Variants in ACOT7 observed in about 807,000 individuals in gnomAD.
The protein encoded by ACOT7 is acyl-CoA thioesterase 7.
A neutral mutation model predicts 40.2 loss-of-function variants in ACOT7; 12 were observed. The observed-to-expected ratio is 0.30, with a 90% CI of 0.19 to 0.48. The LOEUF (loss-of-function observed/expected upper bound fraction) is 0.48. Among genes scored for constraint, ACOT7 ranks in the 20% least tolerant of loss-of-function variants. The probability of loss-of-function intolerance (pLI) is 0.99; values close to 1 mark genes in which losing one functional copy is unlikely to be tolerated. For missense variants in ACOT7, 395 were observed against 530.8 expected (o/e 0.74, Z 2.51); for synonymous variants, 228 against 219.5 (o/e 1.04, Z -0.34).
intron 6 of ACOT7, among the ~76,000 whole-genome samples, chr1:6,298,873 C>T (rs141898591): frequency 2.8e-4 from 42 of 152,332 alleles, no homozygotes; most frequent in Admixed American, 1.0e-3. Context: ...TAGGATCATC[C>T]GTGTGTCAAT....
Position 6,288,328 on chromosome 1 carries a change from A to G in ACOT7, c.829+6536T>C, listed in dbSNP as rs1056671792. Among the ~76,000 whole-genome samples, 1 of 152,242 alleles carries G rather than the reference A, an allele frequency of 6.6e-6. No individual in the cohort carries two copies. Among genetic ancestry groups the G allele is most frequent in the Non-Finnish European group, 1.5e-5 (1 of 68,034 alleles). On this transcript the variant is annotated intron_variant, in intron 7 of 8. Transcript: ENST00000361521. This position sits in a 1 kb window ranked among gnomAD's most constrained non-coding sequence, Gnocchi z 4.3. ...CATTTCCCATGAGATCCAGTCGCAC[A>G]GATGAAGCGGTCCTTCCTTCACCCC...
At chr1:6,388,760 C>G (rs930754426) in intron 1 of ACOT7, among the ~76,000 whole-genome samples, 1 of 140,398 alleles carries the variant, frequency 7.1e-6, no homozygotes, top group Non-Finnish European at 1.5e-5. Flanking sequence ...AAAAAAAGGC[C>G]GGGTGCGGTG....
chr1:6,270,739 C>T (rs538849662), intron 8 of ACOT7, among the ~76,000 whole-genome samples: 1 of 152,146 alleles, frequency 6.6e-6, no homozygotes, highest in South Asian at 2.1e-4. Context: ...CATGTGTCTG[C>T]GGTCCCTGGT....
At chr1:6,298,227 CG>C (rs1639867144) in intron 6 of ACOT7, among the ~76,000 whole-genome samples, 1 of 152,060 alleles carries the variant, frequency 6.6e-6, no homozygotes, top group Non-Finnish European at 1.5e-5. Flanking sequence ...CTCTGCCTCC[CG>C]GGTTCAAGCG....
Position 6,278,068 on chromosome 1 carries a change from A to G in ACOT7, c.1014+3034T>C, listed in dbSNP as rs984816225. Among the ~76,000 whole-genome samples the G allele has an allele frequency of 4.3e-5, 6 of 139,852 alleles. No homozygotes were observed. The East Asian group carries it at 1.5e-3, about 34-fold the overall frequency. The allele number at this position is 139,852 out of a possible 152,430, so 91.7% of individuals were successfully genotyped here. A position where few individuals can be genotyped will look rare whatever the true frequency, so the allele number is the denominator to read the frequency against. On this transcript the variant is annotated intron_variant, in intron 8 of 8. Transcript: ENST00000361521. This position sits in a 1 kb window ranked among gnomAD's most constrained non-coding sequence, Gnocchi z 4.1. Reference sequence around the variant, plus strand: ...GATATGTGAGCCTGACAGTCCACGCAGCGTCTGCAGTGGCGGGGGGTGGTT... The same window carrying G: ...GATATGTGAGCCTGACAGTCCACGCGGCGTCTGCAGTGGCGGGGGGTGGTT...
intron 8 of ACOT7, among the ~76,000 whole-genome samples, chr1:6,280,012 T>C (rs1038199784): frequency 2.6e-5 from 4 of 152,182 alleles, no homozygotes; most frequent in African/African-American, 9.6e-5. Context: ...TCCGGGAGGC[T>C]GAGCAGCAAA....
chr1:6,339,740 T>G (rs1641212536), intron 2 of ACOT7, 151 bp from the exon 3 acceptor site: 4 of 236,444 alleles, frequency 1.7e-5, no homozygotes, highest in Non-Finnish European at 2.5e-5. Context: ...GGCACCGCGG[T>G]TTTTTTTTTT....
Position 6,278,339 on chromosome 1 carries a change from T to C in ACOT7, c.1014+2763A>G, listed in dbSNP as rs915780276. 6.6e-6 allele frequency among the ~76,000 whole-genome samples: 1 copy of C among 151,974 alleles called. No individual in the cohort carries two copies. Among genetic ancestry groups the C allele is most frequent in the Non-Finnish European group, 1.5e-5 (1 of 67,996 alleles). Reference sequence around the variant, plus strand: ...ACTCGGATTTTGATGACCAGTTTCCTGGGCTGCAGGGAAGGGTCACATTGA... The same window carrying C: ...ACTCGGATTTTGATGACCAGTTTCCCGGGCTGCAGGGAAGGGTCACATTGA... On this transcript the variant is annotated intron_variant, in intron 8 of 8. Transcript: ENST00000361521. The surrounding 1 kb of genome is among the most constrained non-coding windows in gnomAD (Gnocchi z 4.1).
intron 6 of ACOT7, among the ~76,000 whole-genome samples, chr1:6,309,807 G>A (rs1473181745): frequency 2.6e-5 from 4 of 152,112 alleles, no homozygotes; most frequent in African/African-American, 9.7e-5. Context: ...AAAAAAGCTT[G>A]AGTTCCCCAT....
At chr1:6,361,812 A>G (rs1030493180) in intron 1 of ACOT7, among the ~76,000 whole-genome samples, 1 of 152,172 alleles carries the variant, frequency 6.6e-6, no homozygotes, top group Non-Finnish European at 1.5e-5. Flanking sequence ...AAAAATAAAT[A>G]AATAAATAAA....
Position 6,338,990 on chromosome 1 carries a change from G to A in ACOT7, c.418+443C>T, listed in dbSNP as rs562369167. Among the ~76,000 whole-genome samples, 1 of 152,158 alleles carries A rather than the reference G, an allele frequency of 6.6e-6. No individual in the cohort carries two copies. The highest frequency in any genetic ancestry group is 1.5e-5 in the Non-Finnish European group (1 of 68,028). ...CCCAGTGAGCTTCCATCTGAGCCTG[G>A]TTTCTGGGGCTCCCAGGAGCAAGCA... On this transcript the variant is annotated intron_variant, in intron 3 of 8. Transcript: ENST00000361521. This position sits in a 1 kb window ranked among gnomAD's most constrained non-coding sequence, Gnocchi z 4.4.
chr1:6,264,521 G>C lies in ACOT7; in HGVS notation c.*76C>G, dbSNP rs1638755742. ...AATGTGAATTGGGTTTTTGGCCAAG[G>C]GGGGAACTTCTAAGTGACTGGACAC... On this transcript the variant is annotated 3_prime_UTR_variant, in exon 9 of 9. Transcript: ENST00000361521. 7.0e-7 allele frequency: 1 copy of C among 1,426,562 alleles called. No homozygotes were observed. Among genetic ancestry groups the C allele is most frequent in the East Asian group, 2.4e-5 (1 of 41,662 alleles). 88.4% of individuals were successfully genotyped at this position (1,426,562 alleles called of 1,614,324 possible). A position where few individuals can be genotyped will look rare whatever the true frequency, so the allele number is the denominator to read the frequency against.
At chr1:6,356,924 A>AG (rs1641760921) in intron 1 of ACOT7, among the ~76,000 whole-genome samples, 1 of 149,532 alleles carries the variant, frequency 6.7e-6, no homozygotes, top group Admixed American at 6.6e-5. Flanking sequence ...GTCTCAAAAA[A>AG]AAAAAAAAGG....
chr1:6,310,206 C>T (rs184445078), intron 6 of ACOT7, among the ~76,000 whole-genome samples: 38 of 152,238 alleles, frequency 2.5e-4, no homozygotes, highest in Admixed American at 3.9e-4. Context: ...GAGCTGAGGC[C>T]GTGGGGTCAG....
In ACOT7 at chr1:6,323,062, G is replaced by A. The variant is rs571382912; in HGVS notation, c.625+4237C>T. Among the ~76,000 whole-genome samples, 342 of 152,146 alleles carry A rather than the reference G, an allele frequency of 2.2e-3. 1 individual carries two copies. The highest frequency in any genetic ancestry group is 8.0e-3 in the African/African-American group (330 of 41,492). On this transcript the variant is annotated intron_variant, in intron 5 of 8. Transcript: ENST00000361521. ...GGAGAATCACTTGAACCAGGGAGGCGAAGTTTGCAGTGAGCTGAGATCATG... is the reference window on the plus strand; with the variant it reads ...GGAGAATCACTTGAACCAGGGAGGCAAAGTTTGCAGTGAGCTGAGATCATG...
intron 1 of ACOT7, among the ~76,000 whole-genome samples, chr1:6,379,459 T>C (rs1049887041): frequency 6.6e-6 from 1 of 151,636 alleles, no homozygotes; most frequent in Non-Finnish European, 1.5e-5. Context: ...GCTAAAGCTA[T>C]GTAACTTTTT....
intron 8 of ACOT7, among the ~76,000 whole-genome samples, chr1:6,273,291 C>T (rs999630132): frequency 1.3e-5 from 2 of 152,238 alleles, no homozygotes; most frequent in Non-Finnish European, 2.9e-5. Flanking sequence ...GGGCTACATG[C>T]TCTCATCTGC....
At chr1:6,295,774 G>A (rs1322189432) in intron 6 of ACOT7, among the ~76,000 whole-genome samples, 1 of 152,166 alleles carries the variant, frequency 6.6e-6, no homozygotes, top group East Asian at 1.9e-4. Flanking sequence ...AAGGGATTAG[G>A]GGGATATGGG....
intron 1 of ACOT7, among the ~76,000 whole-genome samples, chr1:6,389,099 A>C (rs1642491814): frequency 6.6e-6 from 1 of 151,404 alleles, no homozygotes; most frequent in South Asian, 2.1e-4. Flanking sequence ...CCCTTGGGGG[A>C]AATAATTCTA....
Sources: gnomAD v4.1 joint callset for allele counts (sites outside exome capture counted in the v4.1 genomes callset) on GRCh38, gnomAD v4.1.1 for gene constraint, Gnocchi (gnomAD v3.1) non-coding constraint, MANE v1.5 for transcripts, NCBI Gene and HGNC (gene_info 2026-07-23, HGNC 2026-07-21) for gene names.